ITGAE: variants seen among roughly 807,000 people sequenced by gnomAD.
ITGAE encodes integrin alpha-E.
ITGAE carries 99 observed loss-of-function variants against 136.5 expected under a neutral mutation model. The ratio of observed to expected loss-of-function variants is 0.73; its 90% CI spans 0.62 to 0.86. The LOEUF is 0.86. ITGAE is among the 40% of genes least tolerant of loss of function. The pLI, the probability that ITGAE is intolerant of heterozygous loss-of-function variation, is 0.00. For missense variants in ITGAE, 1,447 were observed against 1,515.3 expected, an observed-to-expected ratio of 0.95 and a Z score of 0.75; for synonymous variants, 613 against 591.8, an observed-to-expected ratio of 1.04 and a Z score of -0.52.
chr17:3,728,100 C>G lies in ITGAE; in HGVS notation c.2976+5G>C. On this transcript the variant is annotated splice_donor_5th_base_variant and intron_variant, in intron 25 of 30. Transcript: ENST00000263087. The stretch of plus-strand genomic sequence containing the variant: ...ATCTACAGCTTTACAATAATAAGTA[C>G]TTACATGGAAGAGGAATTCTTTGTG... 6.2e-7 allele frequency: 1 copy of G among 1,610,258 alleles called. No individual in the cohort carries two copies. Among genetic ancestry groups the G allele is most frequent in the Non-Finnish European group, 8.5e-7 (1 of 1,176,438 alleles).
chr17:3,735,027 C>A, intron 20 of ITGAE, 78 bp from the exon 21 acceptor site: 1 of 1,529,034 alleles, frequency 6.5e-7, no homozygotes, highest in Non-Finnish European at 9.0e-7. Context: ...GGACATTCAC[C>A]GAGGCTAGAG....
chr17:3,759,262 C>A, intron 8 of ITGAE, 140 bp downstream of exon 8: 1 of 919,732 alleles, frequency 1.1e-6, no homozygotes, highest in Non-Finnish European at 1.6e-6. Context: ...AGGTGTCATC[C>A]CTCACGTTCT....
chr17:3,778,246 C>G (rs146164222), intron 1 of ITGAE, among the ~76,000 whole-genome samples: 2 of 152,276 alleles, frequency 1.3e-5, no homozygotes, highest in East Asian at 1.9e-4. Context: ...ACAACAGATA[C>G]AGCAGCGTGA....
At chr17:3,727,888 G>T (rs761870028) in intron 26 of ITGAE, 31 bp downstream of exon 26, 1 of 1,286,442 alleles carries the variant, frequency 7.8e-7, no homozygotes, top group Non-Finnish European at 1.1e-6. Context: ...GTGGAAAGAG[G>T]TGTGACTGAT....
intron 14 of ITGAE, among the ~76,000 whole-genome samples, chr17:3,753,072 A>G (rs220480): frequency 0.095 from 14,406 of 152,178 alleles, 748 homozygotes; most frequent in East Asian, 0.17. Context: ...ACAAAAAAAG[A>G]GATATTAGAG....
At chr17:3,758,072 C>T (rs1201821875) in intron 8 of ITGAE, among the ~76,000 whole-genome samples, 1 of 152,142 alleles carries the variant, frequency 6.6e-6, no homozygotes. Context: ...CACCTGCTCC[C>T]AGCAGGAAGG....
At chr17:3,751,076 CGGTGTGG>C (rs1037661941) in intron 15 of ITGAE, among the ~76,000 whole-genome samples, 3 of 151,648 alleles carry the variant, frequency 2.0e-5, no homozygotes, top group African/African-American at 7.3e-5. Flanking sequence ...CTGAGGTTTC[CGGTGTGG>C]GGTGTGGAGG....
intron 2 of ITGAE, among the ~76,000 whole-genome samples, chr17:3,775,107 T>C (rs868219537): frequency 7.2e-4 from 110 of 152,182 alleles, no homozygotes; most frequent in African/African-American, 2.5e-3. Flanking sequence ...TAAACCACCA[T>C]ATCCGGCTGA....
At position 3,745,660 on chromosome 17, in the gene ITGAE, CA is replaced by C. The variant is rs2051694739; in HGVS notation, c.2319+103del. 3.5e-6 allele frequency: 4 copies of C among 1,132,526 alleles called. 1 individual carries two copies. In the South Asian group the frequency reaches 5.9e-5, roughly 17 times the overall value. The allele number at this position is 1,132,526 out of a possible 1,614,324, so 70.2% of individuals were successfully genotyped here. On this transcript the variant is annotated intron_variant, in intron 18 of 30. Coordinates refer to ENST00000263087, the MANE Select transcript of ITGAE (RefSeq NM_002208.5). ...CCTGGCCTGTTATGATTATTTTAAT[CA>C]CCTCATTTGTAGGTCTGGGTATGTG...
At position 3,753,301 on chromosome 17, in the gene ITGAE, G is replaced by C; in HGVS notation, c.1657C>G (p.Leu553Val). 1 of 1,613,906 alleles carries C rather than the reference G, an allele frequency of 6.2e-7. No homozygotes were observed. Among genetic ancestry groups the C allele is most frequent in the Non-Finnish European group, 8.5e-7 (1 of 1,179,864 alleles). Residue 553 changes from leucine to valine, a missense_variant, in exon 14 of 31, where the codon CTC (leucine) becomes GTC (valine). Coordinates refer to ENST00000263087, the MANE Select transcript of ITGAE (RefSeq NM_002208.5). ...GGAGACTCTCCCACCTGCTCGCTGA[G>C]ACGGTACACGTAGACTCTGCCTTCT... Reference protein sequence around the residue: ...GEEGRVYVYRLSEQDGSFSLA... With the variant: ...GEEGRVYVYRVSEQDGSFSLA...
intron 20 of ITGAE, among the ~76,000 whole-genome samples, chr17:3,737,629 CTCAG>C (rs948862931): frequency 6.6e-6 from 1 of 152,172 alleles, no homozygotes; most frequent in Non-Finnish European, 1.5e-5. Context: ...GGCGTGAGAC[CTCAG>C]TGTCATCAGA....
At chr17:3,719,283 ACT>A (rs2051004783) in intron 29 of ITGAE, among the ~76,000 whole-genome samples, 1 of 149,950 alleles carries the variant, frequency 6.7e-6, no homozygotes, top group African/African-American at 2.5e-5. Context: ...GAAATACACT[ACT>A]TAAAAATAAA....
chr17:3,720,091 G>C (rs1428902589), intron 29 of ITGAE, among the ~76,000 whole-genome samples: 4 of 151,998 alleles, frequency 2.6e-5, no homozygotes, highest in African/African-American at 9.7e-5. Context: ...TTCCAGCCTA[G>C]TTATTTCAAC....
chr17:3,796,075 G>C (rs1178582470), intron 1 of ITGAE, among the ~76,000 whole-genome samples: 1 of 130,978 alleles, frequency 7.6e-6, no homozygotes, highest in Non-Finnish European at 1.7e-5. Flanking sequence ...CCGTGTTTGT[G>C]CATCCCTGTG....
At chr17:3,800,342 G>A (rs571003893) in intron 1 of ITGAE, among the ~76,000 whole-genome samples, 7 of 152,042 alleles carry the variant, frequency 4.6e-5, no homozygotes, top group South Asian at 2.1e-4. Flanking sequence ...CCAATTCTCC[G>A]GCCAACCTCC....
chr17:3,746,493 T>C (rs1181012342), intron 17 of ITGAE, among the ~76,000 whole-genome samples: 2 of 151,680 alleles, frequency 1.3e-5, no homozygotes, highest in African/African-American at 4.8e-5. Context: ...AGTCTCGCTG[T>C]CACCCAGGCT....
At position 3,755,202 on chromosome 17, in the gene ITGAE, G is replaced by A; in HGVS notation, c.1299C>T (p.Tyr433=). The A allele has an allele frequency of 6.3e-7, 1 of 1,582,560 alleles. No individual in the cohort carries two copies. Among genetic ancestry groups the A allele is most frequent in the Non-Finnish European group, 8.5e-7 (1 of 1,170,516 alleles). Reference sequence around the variant, plus strand: ...AGCGGCCCCGGCGGCTGCGTGTGTCGTAGAGCAACGCCCCTCCGGACCAGT... The same window carrying A: ...AGCGGCCCCGGCGGCTGCGTGTGTCATAGAGCAACGCCCCTCCGGACCAGT... ...AFDWSGGALL[Y]DTRSRRGRFL... Residue 433 remains tyrosine, a synonymous_variant, in exon 12 of 31, where the codon TAC becomes TAT. Transcript: ENST00000263087.
At chr17:3,753,959 G>C (rs746240057) in intron 12 of ITGAE, 34 bp from the exon 13 acceptor site, 6 of 1,603,042 alleles carry the variant, frequency 3.7e-6, no homozygotes, top group Middle Eastern at 1.7e-4. Flanking sequence ...TGAACACACC[G>C]TGTGCTCCCA....
rs188825426 is a variant in ITGAE, at chr17:3,723,541, T to C, written c.3141+147A>G. The C allele has an allele frequency of 7.3e-4, 755 of 1,033,556 alleles. 6 individuals are homozygous for C. In the African/African-American group the frequency reaches 8.8e-3, roughly 12 times the overall value. The allele number at this position is 1,033,556 out of a possible 1,614,324, so 64.0% of individuals were successfully genotyped here. A position where few individuals can be genotyped will look rare whatever the true frequency, so the allele number is the denominator to read the frequency against. ...CCAAGCGAAGCTCCAGCGGGAGCAA[T>C]TGAGACCCAGGGACGAAGCTAGGGA... On this transcript the variant is annotated intron_variant, in intron 27 of 30. Coordinates refer to ENST00000263087, the MANE Select transcript of ITGAE (RefSeq NM_002208.5).
Sources: allele counts gnomAD v4.1 joint callset (sites outside exome capture counted in the v4.1 genomes callset), GRCh38; gene constraint gnomAD v4.1.1; transcripts MANE v1.5; gene names NCBI Gene and HGNC (gene_info 2026-07-23, HGNC 2026-07-21).